Variants in VTI1A observed in about 807,000 individuals in gnomAD.
VTI1A encodes the protein vesicle transport through interaction with t-SNAREs homolog 1A.
Under a neutral mutation model 34.9 loss-of-function variants are expected in VTI1A, and 22 were observed. The ratio of observed to expected loss-of-function variants is 0.63; its 90% confidence interval spans 0.45 to 0.90. The LOEUF is 0.90. Among genes scored for constraint, VTI1A ranks in the 40% least tolerant of loss-of-function variants. VTI1A has a pLI of 0.00. For missense variants in VTI1A, 268 were observed against 275.6 expected (o/e 0.97, Z 0.20); for synonymous variants, 87 against 97.3 (o/e 0.89, Z 0.62).
At chr10:112,719,848 A>G (rs1181843368) in intron 7 of VTI1A, among the ~76,000 whole-genome samples, 1 of 152,124 alleles carries the variant, frequency 6.6e-6, no homozygotes, top group African/African-American at 2.4e-5. Context: ...ACCCAGCCCA[A>G]TTGTAGAACA....
intron 7 of VTI1A, among the ~76,000 whole-genome samples, chr10:112,815,034 C>T (rs572992666): frequency 2.6e-5 from 4 of 151,828 alleles, no homozygotes; most frequent in Admixed American, 2.0e-4. Flanking sequence ...CTTAGCTTTG[C>T]AGTAAGCATT....
intron 3 of VTI1A, among the ~76,000 whole-genome samples, chr10:112,481,359 T>G: frequency 6.6e-6 from 1 of 152,196 alleles, no homozygotes; most frequent in East Asian, 1.9e-4. Flanking sequence ...AATTTTCAAT[T>G]AAGCTTAACA....
intron 7 of VTI1A, among the ~76,000 whole-genome samples, chr10:112,759,368 C>T (rs1399343574): frequency 6.6e-6 from 1 of 152,156 alleles, no homozygotes; most frequent in East Asian, 1.9e-4. Flanking sequence ...ATGCTCATTC[C>T]ACTCAAATTG....
At chr10:112,623,234 T>C (rs1292930361) in intron 5 of VTI1A, among the ~76,000 whole-genome samples, 1 of 152,174 alleles carries the variant, frequency 6.6e-6, no homozygotes, top group Non-Finnish European at 1.5e-5. Flanking sequence ...TTATCCTTCT[T>C]AAGTAAACAG....
intron 1 of VTI1A, among the ~76,000 whole-genome samples, chr10:112,456,543 G>A (rs1348964931): frequency 6.6e-6 from 1 of 151,952 alleles, no homozygotes; most frequent in African/African-American, 2.4e-5. Context: ...TCAGGACCTC[G>A]CCTAGAAGGA....
At chr10:112,555,279 G>A (rs1256541943) in intron 5 of VTI1A, among the ~76,000 whole-genome samples, 8 of 152,134 alleles carry the variant, frequency 5.3e-5, no homozygotes, top group Admixed American at 3.9e-4. Context: ...TACAGAGTGC[G>A]AGTGGGGAGA....
intron 7 of VTI1A, among the ~76,000 whole-genome samples, chr10:112,807,409 T>G (rs746221690): frequency 2.6e-5 from 4 of 152,198 alleles, no homozygotes; most frequent in Non-Finnish European, 5.9e-5. Flanking sequence ...CTTTGCCTCT[T>G]GCAGCTTCTG....
chr10:112,761,454 G>T (rs1265090551), intron 7 of VTI1A, among the ~76,000 whole-genome samples: 3 of 152,130 alleles, frequency 2.0e-5, no homozygotes, highest in Admixed American at 1.3e-4. Flanking sequence ...GGAGGAAAAA[G>T]CCTTGTTTGC....
rs73365063 is a variant in VTI1A, at chr10:112,547,679, A to G, written c.427+9349A>G. Among the ~76,000 whole-genome samples, 608 of 152,288 alleles carry G rather than the reference A, an allele frequency of 4.0e-3. 6 individuals are homozygous for G. The highest frequency in any genetic ancestry group is 0.014 in the African/African-American group (588 of 41,580). On this transcript the variant is annotated intron_variant, in intron 5 of 7. Coordinates refer to ENST00000393077, the MANE Select transcript of VTI1A (RefSeq NM_145206.4). ...CTGTTTTACATGATATGTTCAGTTT[A>G]TGTATGCCCTTTATGCTTATTTGAT...
chr10:112,761,770 CTGTGTGTGTGTG>C (rs57330053), intron 7 of VTI1A, among the ~76,000 whole-genome samples: 7 of 145,824 alleles, frequency 4.8e-5, no homozygotes, highest in Admixed American at 2.1e-4. Flanking sequence ...CTTTCTTTCT[CTGTGTGTGTGTG>C]TGTGTGTGTG....
chr10:112,483,714 G>A (rs1024630148), intron 3 of VTI1A, among the ~76,000 whole-genome samples: 1 of 152,072 alleles, frequency 6.6e-6, no homozygotes, highest in African/African-American at 2.4e-5. Context: ...CAAATATCCC[G>A]TTGGGGGCAA....
At chr10:112,559,293 G>A (rs1851638530) in intron 5 of VTI1A, among the ~76,000 whole-genome samples, 1 of 152,154 alleles carries the variant, frequency 6.6e-6, no homozygotes, top group Non-Finnish European at 1.5e-5. Flanking sequence ...TTTTGCCCAA[G>A]TACAGATTGG....
chr10:112,765,717 G>C (rs1226437396), intron 7 of VTI1A, among the ~76,000 whole-genome samples: 5 of 152,142 alleles, frequency 3.3e-5, no homozygotes, highest in Non-Finnish European at 7.4e-5. Context: ...TTATGAAGGA[G>C]AGCTTCATGG....
chr10:112,658,504 T>A (rs1046763691), intron 5 of VTI1A, among the ~76,000 whole-genome samples: 1 of 152,188 alleles, frequency 6.6e-6, no homozygotes, highest in Non-Finnish European at 1.5e-5. Context: ...TGAACAAAAA[T>A]TTCCTGAGCA....
At chr10:112,616,942 C>T (rs1237939526) in intron 5 of VTI1A, among the ~76,000 whole-genome samples, 4 of 152,164 alleles carry the variant, frequency 2.6e-5, no homozygotes, top group Non-Finnish European at 5.9e-5. Flanking sequence ...AAAAAGACAT[C>T]AAATTAGACT....
chr10:112,687,927 C>A (rs1355726704), intron 7 of VTI1A, among the ~76,000 whole-genome samples: 1 of 150,940 alleles, frequency 6.6e-6, no homozygotes, highest in Non-Finnish European at 1.5e-5. Context: ...GATATGGAAC[C>A]ATCCTGGCCG....
At chr10:112,771,429 G>C (rs991250183) in intron 7 of VTI1A, among the ~76,000 whole-genome samples, 1 of 152,330 alleles carries the variant, frequency 6.6e-6, no homozygotes, top group African/African-American at 2.4e-5. Context: ...CATAGGAACT[G>C]GGGAGGGAAC....
At chr10:112,683,177 T>C (rs1300998834) in intron 7 of VTI1A, among the ~76,000 whole-genome samples, 1 of 152,244 alleles carries the variant, frequency 6.6e-6, no homozygotes, top group East Asian at 1.9e-4. Flanking sequence ...TACCAAAAGA[T>C]GTACCTATAA....
chr10:112,746,005 C>T (rs558066498), intron 7 of VTI1A, among the ~76,000 whole-genome samples: 22 of 152,286 alleles, frequency 1.4e-4, no homozygotes, highest in African/African-American at 5.3e-4. Context: ...TTTCCCTTCC[C>T]TATCCCACCT....
Sources: gnomAD v4.1 joint callset for allele counts (sites outside exome capture counted in the v4.1 genomes callset) on GRCh38, gnomAD v4.1.1 for gene constraint, MANE v1.5 for transcripts, NCBI Gene and HGNC (gene_info 2026-07-23, HGNC 2026-07-21) for gene names.